The following EDA variants were observed in gnomAD, a reference collection of about 807,000 sequenced individuals.
EDA encodes ectodysplasin A, also known as ectodysplasin-A.
EDA carries 2 observed loss-of-function variants against 23.6 expected under a neutral mutation model. The observed-to-expected ratio is 0.08, with a 90% confidence interval of 0.03 to 0.27. The LOEUF is 0.27. Ranked by LOEUF, EDA falls within the 10% of genes least tolerant of loss-of-function variation. EDA has a pLI of 1.00. For synonymous variants in EDA, 131 were observed against 132.0 expected, an observed-to-expected ratio of 0.99 and a Z score of 0.05; for missense variants, 229 against 324.2, an observed-to-expected ratio of 0.71 and a Z score of 2.26.
chrX:69,745,853 T>C (rs778370475), intron 1 of EDA, among the ~76,000 whole-genome samples: 2 of 110,813 alleles, frequency 1.8e-5, no homozygotes, highest in South Asian at 3.9e-4. Flanking sequence ...CCAGGTGTGG[T>C]AGTGGGCACC....
At chrX:69,707,938 G>A (rs2011798951) in intron 1 of EDA, among the ~76,000 whole-genome samples, 1 of 111,246 alleles carries the variant, frequency 9.0e-6, no homozygotes, top group Non-Finnish European at 1.9e-5. Flanking sequence ...AAATTTGAGA[G>A]CTCAAGCAAC....
chrX:69,775,092 A>G (rs1430596647), intron 1 of EDA, among the ~76,000 whole-genome samples: 1 of 111,810 alleles, frequency 8.9e-6, no homozygotes, highest in African/African-American at 3.2e-5. Context: ...TTTTAAGTTT[A>G]TTGCCCACCA....
At chrX:69,750,602 T>A (rs1392921032) in intron 1 of EDA, among the ~76,000 whole-genome samples, 5 of 111,447 alleles carry the variant, frequency 4.5e-5, no homozygotes, top group Admixed American at 1.9e-4. Context: ...CTCCACACTG[T>A]CTTCCACAAT....
intron 1 of EDA, among the ~76,000 whole-genome samples, chrX:69,662,739 A>T (rs1933554195): frequency 8.9e-6 from 1 of 112,224 alleles, no homozygotes; most frequent in Non-Finnish European, 1.9e-5. Flanking sequence ...AGACTTGTTG[A>T]ATGGCTTTAA....
intron 5 of EDA, among the ~76,000 whole-genome samples, 196 bp from the exon 6 acceptor site, chrX:70,030,273 A>C (rs2147512600): frequency 8.9e-6 from 1 of 112,354 alleles, no homozygotes; most frequent in African/African-American, 3.2e-5. Context: ...GAGGTCACAT[A>C]GCTAGGAAGC....
At chrX:69,986,959 T>C (rs12393019) in intron 2 of EDA, among the ~76,000 whole-genome samples, 31,379 of 61,039 alleles carry the variant, frequency 0.51, 7,658 homozygotes, top group Non-Finnish European at 0.56. Context: ...AAATGATGAG[T>C]TCATGTCCTT....
At chrX:69,854,053 A>G (rs1355975572) in intron 1 of EDA, among the ~76,000 whole-genome samples, 1 of 111,449 alleles carries the variant, frequency 9.0e-6, no homozygotes, top group Admixed American at 9.6e-5. Context: ...TTTGTTAGGC[A>G]AACTTGTGTC....
At chrX:69,710,598 C>T (rs9724495) in intron 1 of EDA, among the ~76,000 whole-genome samples, 1,191 of 111,684 alleles carry the variant, frequency 0.011, 15 homozygotes, top group African/African-American at 0.037. Flanking sequence ...GCCATTTTCA[C>T]GATATTAATT....
intron 2 of EDA, among the ~76,000 whole-genome samples, chrX:69,965,441 A>G (rs1569387707): frequency 8.9e-6 from 1 of 112,066 alleles, no homozygotes; most frequent in Non-Finnish European, 1.9e-5. Flanking sequence ...TCAAGAATAG[A>G]TTATATGGCA....
intron 1 of EDA, among the ~76,000 whole-genome samples, chrX:69,896,560 A>T (rs1346722041): frequency 1.8e-5 from 2 of 111,385 alleles, no homozygotes; most frequent in African/African-American, 6.5e-5. Flanking sequence ...TTCACACATT[A>T]TGAAATGTTA....
chrX:69,773,271 T>A (rs1364342666), intron 1 of EDA, among the ~76,000 whole-genome samples: 4 of 112,575 alleles, frequency 3.6e-5, no homozygotes, highest in Non-Finnish European at 5.6e-5. Flanking sequence ...AATATTCCAT[T>A]GCATGAAAAT....
intron 1 of EDA, among the ~76,000 whole-genome samples, chrX:69,619,041 ACACT>A (rs1229433338): frequency 8.9e-6 from 1 of 112,277 alleles, no homozygotes. Flanking sequence ...GTATCTGCTG[ACACT>A]CAGAATTCTA....
chrX:69,803,329 T>A (rs1458005533), intron 1 of EDA, among the ~76,000 whole-genome samples: 1 of 110,842 alleles, frequency 9.0e-6, no homozygotes, highest in Non-Finnish European at 1.9e-5. Flanking sequence ...TAGTTTTGAT[T>A]TTTTCATGAA....
chrX:69,770,428 A>G (rs993158613), intron 1 of EDA, among the ~76,000 whole-genome samples: 1 of 111,890 alleles, frequency 8.9e-6, no homozygotes, highest in African/African-American at 3.2e-5. Flanking sequence ...TTTTAATCAT[A>G]CAGATAGGTG....
intron 2 of EDA, among the ~76,000 whole-genome samples, chrX:70,020,078 A>G (rs906418277): frequency 3.6e-5 from 4 of 112,147 alleles, no homozygotes; most frequent in Non-Finnish European, 5.6e-5. Context: ...TAGAAAATAT[A>G]TAAAGAGTTA....
At chrX:69,724,365 C>A (rs1475194570) in intron 1 of EDA, among the ~76,000 whole-genome samples, 1 of 111,743 alleles carries the variant, frequency 8.9e-6, no homozygotes, top group African/African-American at 3.3e-5. Context: ...AAGTCTCTTT[C>A]TTTAGGCCAT....
At chrX:69,724,197 C>CT (rs1432671328) in intron 1 of EDA, among the ~76,000 whole-genome samples, 1 of 110,905 alleles carries the variant, frequency 9.0e-6, no homozygotes, top group Non-Finnish European at 1.9e-5. Context: ...TTATTGAGTC[C>CT]TTTGGGGGAA....
chrX:69,830,652 GA>G (rs1271631139), intron 1 of EDA, among the ~76,000 whole-genome samples: 1 of 112,229 alleles, frequency 8.9e-6, no homozygotes, highest in Non-Finnish European at 1.9e-5. Context: ...TATAATAACT[GA>G]CAGTGTATCT....
At chrX:69,807,673 T>A (rs1402056024) in intron 1 of EDA, among the ~76,000 whole-genome samples, 1 of 109,330 alleles carries the variant, frequency 9.1e-6, no homozygotes, top group Non-Finnish European at 1.9e-5. Context: ...TACAACAGCA[T>A]CTTAGAGATC....
Sources: allele counts gnomAD v4.1 joint callset (sites outside exome capture counted in the v4.1 genomes callset), GRCh38; gene constraint gnomAD v4.1.1; transcripts MANE v1.5; gene names NCBI Gene and HGNC (gene_info 2026-07-23, HGNC 2026-07-21).